HSF2BP: variants seen among roughly 807,000 people sequenced by gnomAD.
HSF2BP encodes heat shock factor 2-binding protein.
A neutral mutation model predicts 35.0 loss-of-function variants in HSF2BP; 35 were observed. The observed-to-expected ratio is 1.00, with a 90% CI of 0.76 to 1.32. The LOEUF is 1.32. Ranked by LOEUF, HSF2BP falls within the 40% of genes most tolerant of loss-of-function variation. The pLI is 0.00. For missense variants in HSF2BP, 326 were observed against 321.7 expected (o/e 1.01, Z -0.10); for synonymous variants, 114 against 117.4 (o/e 0.97, Z 0.18).
intron 3 of HSF2BP, among the ~76,000 whole-genome samples, chr21:43,646,928 A>AAT (rs1293182131): frequency 6.6e-6 from 1 of 152,204 alleles, no homozygotes; most frequent in African/African-American, 2.4e-5. Context: ...ATGCTACCTA[A>AAT]AAGCACCCTG....
intron 7 of HSF2BP, among the ~76,000 whole-genome samples, chr21:43,604,680 C>CAT (rs2082104634): frequency 7.6e-6 from 1 of 131,614 alleles, no homozygotes; most frequent in South Asian, 2.7e-4. Context: ...CCACCACACA[C>CAT]CACACACACA....
intron 8 of HSF2BP, among the ~76,000 whole-genome samples, chr21:43,584,650 C>T (rs1205624496): frequency 6.6e-6 from 1 of 152,220 alleles, no homozygotes; most frequent in Non-Finnish European, 1.5e-5. Flanking sequence ...TGAATAAAAG[C>T]TTCAAACCTG....
chr21:43,611,549 C>T (rs2082204648), intron 7 of HSF2BP, among the ~76,000 whole-genome samples: 1 of 152,166 alleles, frequency 6.6e-6, no homozygotes, highest in Non-Finnish European at 1.5e-5. Context: ...GTGTCCCTGG[C>T]CTGGACTCGA....
chr21:43,620,457 G>A (rs2082318663), intron 6 of HSF2BP, among the ~76,000 whole-genome samples: 1 of 152,208 alleles, frequency 6.6e-6, no homozygotes. Flanking sequence ...CAACACTGTG[G>A]AAGGCTGAGA....
intron 4 of HSF2BP, among the ~76,000 whole-genome samples, chr21:43,643,110 C>A (rs1032848113): frequency 1.3e-5 from 2 of 151,906 alleles, no homozygotes; most frequent in East Asian, 3.9e-4. Context: ...GGAAGTTATG[C>A]CACACAAAAA....
At chr21:43,604,421 A>ACACAC (rs1184167451) in intron 7 of HSF2BP, among the ~76,000 whole-genome samples, 1 of 136,692 alleles carries the variant, frequency 7.3e-6, no homozygotes. Context: ...TACACACCCC[A>ACACAC]CACACCACAC....
At chr21:43,651,474 C>T (rs1379802017) in intron 3 of HSF2BP, among the ~76,000 whole-genome samples, 1 of 152,078 alleles carries the variant, frequency 6.6e-6, no homozygotes, top group Non-Finnish European at 1.5e-5. Flanking sequence ...TTGATGAATG[C>T]TCTAATTCAT....
At position 43,641,294 on chromosome 21, in the gene HSF2BP, C is replaced by T. The variant is rs1031532723; in HGVS notation, c.291+2995G>A. Among the ~76,000 whole-genome samples the T allele has an allele frequency of 3.9e-5, 6 of 152,234 alleles. 1 individual carries two copies. In the East Asian group the frequency reaches 9.7e-4, roughly 25 times the overall value. On this transcript the variant is annotated intron_variant, in intron 4 of 8. Transcript: ENST00000291560. ...GATTACAGGCGTGAGCCACCGCGCC[C>T]GGCCAATATTCTCCAACAGTTGTGC...
chr21:43,575,918 G>A (rs964527877), intron 8 of HSF2BP, among the ~76,000 whole-genome samples: 12 of 152,172 alleles, frequency 7.9e-5, no homozygotes, highest in Admixed American at 7.9e-4. Flanking sequence ...AGGAGTTTGA[G>A]ATCAGCCTGG....
chr21:43,467,705 CA>C, the HSF2BP span, among the ~76,000 whole-genome samples: 1 of 43,028 alleles, frequency 2.3e-5, no homozygotes, highest in African/African-American at 9.3e-5. Flanking sequence ...ACAAACCACA[CA>C]CCACACACCC....
At chr21:43,573,125 G>A (rs950260872) in intron 8 of HSF2BP, among the ~76,000 whole-genome samples, 1 of 152,218 alleles carries the variant, frequency 6.6e-6, no homozygotes, top group African/African-American at 2.4e-5. Flanking sequence ...GGCTCTGCAT[G>A]GGTAAGCCAA....
At chr21:43,594,209 T>C (rs1192947221) in intron 7 of HSF2BP, among the ~76,000 whole-genome samples, 1 of 152,188 alleles carries the variant, frequency 6.6e-6, no homozygotes, top group East Asian at 1.9e-4. Flanking sequence ...TCAGACATTT[T>C]TAAATGTATC....
intron 8 of HSF2BP, among the ~76,000 whole-genome samples, chr21:43,580,561 G>A (rs998413547): frequency 3.3e-5 from 5 of 152,094 alleles, no homozygotes; most frequent in African/African-American, 1.2e-4. Flanking sequence ...TTGTTCTATT[G>A]GACATTCTGA....
intron 6 of HSF2BP, among the ~76,000 whole-genome samples, chr21:43,625,999 C>A (rs531457255): frequency 1.0e-3 from 159 of 152,220 alleles, no homozygotes; most frequent in Middle Eastern, 0.01. Context: ...GAGAAGAAAA[C>A]GCAAATTATT....
chr21:43,618,658 C>T lies in HSF2BP; in HGVS notation c.575-4711G>A, dbSNP rs182847101. Among the ~76,000 whole-genome samples the T allele has an allele frequency of 7.6e-4, 115 of 152,054 alleles. 1 individual carries two copies. The highest frequency in any genetic ancestry group is 2.5e-3 in the African/African-American group (105 of 41,454). ...TCTGAATATAAGAATTAAAGCTGGCCGGGCGCAGTGGCTCACGCCTGTAAT... is the reference window on the plus strand; with the variant it reads ...TCTGAATATAAGAATTAAAGCTGGCTGGGCGCAGTGGCTCACGCCTGTAAT... On this transcript the variant is annotated intron_variant, in intron 6 of 8. Coordinates refer to ENST00000291560, the MANE Select transcript of HSF2BP (RefSeq NM_007031.2).
At chr21:43,576,561 A>G (rs1601607279) in intron 8 of HSF2BP, among the ~76,000 whole-genome samples, 1 of 152,292 alleles carries the variant, frequency 6.6e-6, no homozygotes, top group East Asian at 1.9e-4. Context: ...TCTACACAAC[A>G]CTATATAGAA....
chr21:43,590,063 A>C (rs1218410130), intron 8 of HSF2BP, among the ~76,000 whole-genome samples: 1 of 152,238 alleles, frequency 6.6e-6, no homozygotes, highest in Non-Finnish European at 1.5e-5. Flanking sequence ...TGCTCTTCAG[A>C]AGATGCTCTT....
intron 7 of HSF2BP, among the ~76,000 whole-genome samples, chr21:43,596,893 A>AC (rs2081993736): frequency 1.2e-5 from 1 of 82,994 alleles, no homozygotes; most frequent in Non-Finnish European, 2.3e-5. Flanking sequence ...TCTCAAAAAA[A>AC]AAAAAAAAAA....
chr21:43,622,926 A>C (rs2082347032), intron 6 of HSF2BP, among the ~76,000 whole-genome samples: 1 of 152,160 alleles, frequency 6.6e-6, no homozygotes, highest in African/African-American at 2.4e-5. Context: ...TTATACCACA[A>C]AACAAGTCTC....
Sources: gnomAD v4.1 joint callset for allele counts (sites outside exome capture counted in the v4.1 genomes callset) on GRCh38, gnomAD v4.1.1 for gene constraint, MANE v1.5 for transcripts, NCBI Gene and HGNC (gene_info 2026-07-23, HGNC 2026-07-21) for gene names.